Variants in SPMIP9 observed in about 807,000 individuals in gnomAD.
SPMIP9 encodes protein SPMIP9.
the SPMIP9 span, chr2:88,528,981 T>C: frequency 4.1e-6 from 6 of 1,475,066 alleles, no homozygotes; most frequent in Non-Finnish European, 5.5e-6. Context: ...CTGTCTTGGA[T>C]GCTTCCAAGA....
chr2:88,528,551 G>C, the SPMIP9 span, among the ~76,000 whole-genome samples: 19 of 152,284 alleles, frequency 1.2e-4, no homozygotes, highest in African/African-American at 4.6e-4. Flanking sequence ...AATATAGTTA[G>C]ATTTATCAGT....
chr2:88,525,781 G>A, the SPMIP9 span: 1 of 1,062,420 alleles, frequency 9.4e-7, no homozygotes. Flanking sequence ...TGTAATGATA[G>A]TTTTGGGTTT....
At chr2:88,526,512 A>G in the SPMIP9 span, 1 of 1,597,964 alleles carries the variant, frequency 6.3e-7, no homozygotes, top group Non-Finnish European at 8.6e-7. Flanking sequence ...GAAGGCACGC[A>G]AGTCCTGTCA....
the SPMIP9 span, among the ~76,000 whole-genome samples, chr2:88,526,697 C>G: frequency 1.3e-5 from 2 of 151,868 alleles, no homozygotes; most frequent in African/African-American, 2.4e-5. Flanking sequence ...AGGAGTCTTA[C>G]TCTGTCACCC....
the SPMIP9 span, chr2:88,529,359 CT>C: frequency 6.2e-7 from 1 of 1,614,170 alleles, no homozygotes; most frequent in East Asian, 2.2e-5. Context: ...CACCAGCCTG[CT>C]GCAGAGATGG....
chr2:88,526,377 C>CT, the SPMIP9 span: 1 of 1,562,368 alleles, frequency 6.4e-7, no homozygotes, highest in Non-Finnish European at 8.8e-7. Context: ...GAGGGAATCT[C>CT]TTGTTTTATA....
chr2:88,526,054 G>A, the SPMIP9 span, among the ~76,000 whole-genome samples: 1 of 152,120 alleles, frequency 6.6e-6, no homozygotes, highest in Non-Finnish European at 1.5e-5. Flanking sequence ...TTAACTCTTG[G>A]GAGGTGGAGA....
the SPMIP9 span, chr2:88,525,766 C>A: frequency 5.6e-6 from 7 of 1,239,626 alleles, no homozygotes; most frequent in Non-Finnish European, 8.1e-6. Context: ...AGAAGCTCAT[C>A]TTTCTGTAAT....
the SPMIP9 span, chr2:88,525,740 G>A: frequency 4.4e-5 from 67 of 1,530,502 alleles, no homozygotes; most frequent in African/African-American, 8.4e-4. Flanking sequence ...GGCCCTGGAA[G>A]GGCCAGGCTC....
At chr2:88,527,301 C>T in the SPMIP9 span, among the ~76,000 whole-genome samples, 2 of 152,052 alleles carry the variant, frequency 1.3e-5, no homozygotes, top group South Asian at 2.1e-4. Flanking sequence ...CGAGACCAGC[C>T]TGGCTGACAT....
chr2:88,526,393 C>A, the SPMIP9 span: 1 of 1,600,494 alleles, frequency 6.2e-7, no homozygotes, highest in Non-Finnish European at 8.6e-7. Context: ...TTATATTCTC[C>A]TTGTGCTTTA....
the SPMIP9 span, chr2:88,529,204 A>AC: frequency 1.2e-6 from 2 of 1,614,110 alleles, no homozygotes; most frequent in Non-Finnish European, 1.7e-6. Context: ...CATCACAGGA[A>AC]CATGAGGCCA....
chr2:88,525,026 CAG>C, the SPMIP9 span, among the ~76,000 whole-genome samples: 2 of 152,120 alleles, frequency 1.3e-5, no homozygotes, highest in Admixed American at 6.5e-5. Context: ...ACTGGGAATG[CAG>C]AGTCTTGCAA....
the SPMIP9 span, among the ~76,000 whole-genome samples, chr2:88,528,190 T>G: frequency 2.0e-4 from 31 of 151,270 alleles, no homozygotes; most frequent in Non-Finnish European, 4.4e-5. Context: ...CAGGCTGCAG[T>G]GCAGTGGTTT....
At chr2:88,527,425 T>C in the SPMIP9 span, among the ~76,000 whole-genome samples, 44,743 of 151,920 alleles carry the variant, frequency 0.29, 7,041 homozygotes, top group Middle Eastern at 0.43. Flanking sequence ...ACCTGGGAGG[T>C]GGGGCGAGAC....
the SPMIP9 span, among the ~76,000 whole-genome samples, chr2:88,525,062 C>A: frequency 3.3e-5 from 5 of 152,284 alleles, no homozygotes; most frequent in Admixed American, 3.3e-4. Context: ...GGATACTCCC[C>A]TGTGAATCAA....
At chr2:88,529,511 G>T in the SPMIP9 span, 2 of 1,552,884 alleles carry the variant, frequency 1.3e-6, no homozygotes, top group East Asian at 2.2e-5. Flanking sequence ...TCTTCCAAGG[G>T]CATGTGGAAA....
At chr2:88,527,697 C>T in the SPMIP9 span, among the ~76,000 whole-genome samples, 1 of 152,134 alleles carries the variant, frequency 6.6e-6, no homozygotes, top group Admixed American at 6.5e-5. Flanking sequence ...CATTTGGGTG[C>T]TTTATTCCTA....
chr2:88,526,639 T>C, the SPMIP9 span: 2 of 692,066 alleles, frequency 2.9e-6, no homozygotes, highest in East Asian at 5.4e-5. Context: ...AGAGATCTTT[T>C]CTGTGCATGT....
Sources: allele counts gnomAD v4.1 joint callset (sites outside exome capture counted in the v4.1 genomes callset), GRCh38; gene constraint gnomAD v4.1.1; transcripts MANE v1.5; gene names NCBI Gene and HGNC (gene_info 2026-07-23, HGNC 2026-07-21).